The following SOX5 variants were observed in gnomAD, a reference collection of about 807,000 sequenced individuals.
SOX5 encodes transcription factor SOX-5.
A neutral mutation model predicts 92.0 loss-of-function variants in SOX5; 9 were observed. The observed-to-expected ratio is 0.10, with a 90% confidence interval of 0.06 to 0.17. The LOEUF (loss-of-function observed/expected upper bound fraction) is 0.17, where lower values mean the gene tolerates loss of function less well. SOX5 is among the 10% of genes least tolerant of loss of function. The pLI, the probability that SOX5 is intolerant of heterozygous loss-of-function variation, is 1.00. For synonymous variants in SOX5, 344 were observed against 336.3 expected, an observed-to-expected ratio of 1.02 and a Z score of -0.25; for missense variants, 642 against 944.5, an observed-to-expected ratio of 0.68 and a Z score of 4.20.
intron 8 of SOX5, among the ~76,000 whole-genome samples, chr12:23,623,832 G>A (rs1012223957): frequency 6.6e-6 from 1 of 151,864 alleles, no homozygotes; most frequent in Non-Finnish European, 1.5e-5. Flanking sequence ...TCCACTTTTG[G>A]GTATATACCG....
chr12:23,757,676 T>A (rs1476297345), intron 3 of SOX5, among the ~76,000 whole-genome samples: 1 of 151,856 alleles, frequency 6.6e-6, no homozygotes, highest in Non-Finnish European at 1.5e-5. Context: ...CTAACAAACC[T>A]TTGCAAAGCA....
intron 1 of SOX5, among the ~76,000 whole-genome samples, chr12:24,529,820 T>C (rs948890290): frequency 1.3e-5 from 2 of 151,950 alleles, no homozygotes; most frequent in Non-Finnish European, 2.9e-5. Flanking sequence ...GAGATCGAGA[T>C]CATCCTTACT....
intron 2 of SOX5, among the ~76,000 whole-genome samples, chr12:24,347,725 G>T (rs1053931810): frequency 5.3e-5 from 8 of 152,116 alleles, no homozygotes; most frequent in African/African-American, 1.9e-4. Flanking sequence ...TTTAAATTCT[G>T]TATGTTAACA....
At chr12:24,558,733 G>T (rs1039957008) in intron 1 of SOX5, among the ~76,000 whole-genome samples, 1 of 151,998 alleles carries the variant, frequency 6.6e-6, no homozygotes, top group African/African-American at 2.4e-5. Context: ...TAAATATTAG[G>T]TATGAGTGAT....
intron 1 of SOX5, among the ~76,000 whole-genome samples, chr12:24,476,673 A>C (rs1945415875): frequency 6.6e-6 from 1 of 152,116 alleles, no homozygotes; most frequent in South Asian, 2.1e-4. Context: ...ACCACACTGC[A>C]CTGCATTTGT....
Position 23,589,049 on chromosome 12 carries a change from A to G in SOX5, c.1165-13211T>C, listed in dbSNP as rs372118827. ...GTACATGCTATGATGCTTATGCAAC[A>G]ATGAAATCACCAATGATAGGACATA... is the stretch of plus-strand genomic sequence containing the variant. On this transcript the variant is annotated intron_variant, in intron 9 of 14. Coordinates refer to ENST00000451604, the MANE Select transcript of SOX5 (RefSeq NM_006940.6). Among the ~76,000 whole-genome samples, 40 of 152,032 alleles carry G rather than the reference A, an allele frequency of 2.6e-4. No homozygotes were observed. The South Asian group carries it at 7.7e-3, about 29-fold the overall frequency.
chr12:23,690,945 C>T (rs1444173005), intron 6 of SOX5, among the ~76,000 whole-genome samples: 1 of 152,176 alleles, frequency 6.6e-6, no homozygotes, highest in Non-Finnish European at 1.5e-5. Flanking sequence ...TCTTGTCTTC[C>T]TCCCTGACTT....
intron 2 of SOX5, among the ~76,000 whole-genome samples, chr12:24,358,400 T>C (rs1482155264): frequency 6.6e-6 from 1 of 152,164 alleles, no homozygotes; most frequent in Non-Finnish European, 1.5e-5. Flanking sequence ...ACAGGAAAAT[T>C]CTCTGAAGTG....
chr12:24,220,903 G>T (rs1295826952), intron 3 of SOX5, among the ~76,000 whole-genome samples: 1 of 152,168 alleles, frequency 6.6e-6, no homozygotes, highest in Non-Finnish European at 1.5e-5. Flanking sequence ...CCGAAAGTCT[G>T]AAGAAAACAT....
intron 1 of SOX5, among the ~76,000 whole-genome samples, chr12:24,513,772 A>G (rs1425407630): frequency 6.6e-6 from 1 of 152,248 alleles, no homozygotes; most frequent in Non-Finnish European, 1.5e-5. Context: ...TCACAGTGTC[A>G]CAATAAGTTT....
intron 1 of SOX5, among the ~76,000 whole-genome samples, chr12:24,468,695 G>A (rs2137594027): frequency 6.6e-6 from 1 of 152,164 alleles, no homozygotes; most frequent in Admixed American, 6.5e-5. Context: ...TTTACTATAT[G>A]TCTGTGGTCT....
chr12:24,495,498 T>C (rs956680722), intron 1 of SOX5, among the ~76,000 whole-genome samples: 1 of 152,226 alleles, frequency 6.6e-6, no homozygotes, highest in Non-Finnish European at 1.5e-5. Flanking sequence ...TTTCGGAGAA[T>C]TCAACAATGT....
At chr12:23,917,573 T>C (rs1430071409) in intron 1 of SOX5, among the ~76,000 whole-genome samples, 2 of 151,844 alleles carry the variant, frequency 1.3e-5, no homozygotes, top group African/African-American at 4.8e-5. Flanking sequence ...AGAAAATAAA[T>C]AAAAATAAAA....
At chr12:23,618,375 A>AAATC (rs1347869782) in intron 8 of SOX5, among the ~76,000 whole-genome samples, 1 of 152,172 alleles carries the variant, frequency 6.6e-6, no homozygotes, top group East Asian at 1.9e-4. Context: ...CATATTTGTG[A>AAATC]AATCACTGTT....
intron 1 of SOX5, among the ~76,000 whole-genome samples, chr12:24,485,907 A>T (rs138853083): frequency 4.6e-5 from 7 of 152,244 alleles, no homozygotes; most frequent in African/African-American, 1.4e-4. Flanking sequence ...GAGATGCAAC[A>T]TATATAAAAG....
intron 3 of SOX5, among the ~76,000 whole-genome samples, chr12:24,264,336 A>C (rs1460482330): frequency 5.9e-5 from 9 of 152,150 alleles, no homozygotes; most frequent in Admixed American, 1.3e-4. Flanking sequence ...TTTCTTTTAA[A>C]AAATTTTTTC....
intron 1 of SOX5, among the ~76,000 whole-genome samples, chr12:24,371,080 C>A (rs998234436): frequency 6.6e-6 from 1 of 152,130 alleles, no homozygotes; most frequent in Admixed American, 6.5e-5. Context: ...ATCTACATGA[C>A]CCTTACCTAA....
At chr12:24,336,477 G>A (rs1435648176) in intron 2 of SOX5, among the ~76,000 whole-genome samples, 3 of 152,086 alleles carry the variant, frequency 2.0e-5, no homozygotes, top group African/African-American at 4.8e-5. Context: ...TGAGATTGGG[G>A]GAAAGATCAG....
At chr12:23,553,523 T>A (rs1256596235) in intron 11 of SOX5, among the ~76,000 whole-genome samples, 1 of 151,958 alleles carries the variant, frequency 6.6e-6, no homozygotes, top group Non-Finnish European at 1.5e-5. Flanking sequence ...GGTGTGTACA[T>A]GTGGAAGAAG....
Sources: gnomAD v4.1 joint callset for allele counts (sites outside exome capture counted in the v4.1 genomes callset) on GRCh38, gnomAD v4.1.1 for gene constraint, MANE v1.5 for transcripts, NCBI Gene and HGNC (gene_info 2026-07-23, HGNC 2026-07-21) for gene names.